The following OPCML variants were observed in gnomAD, a reference collection of about 807,000 sequenced individuals.
The protein encoded by OPCML is opioid binding protein/cell adhesion molecule like.
Under a neutral mutation model 37.8 loss-of-function variants are expected in OPCML, and 13 were observed. That is an observed-to-expected ratio of 0.34 (90% confidence interval 0.22 to 0.55). The LOEUF (loss-of-function observed/expected upper bound fraction) is 0.55. Ranked by LOEUF, OPCML falls within the 20% of genes least tolerant of loss-of-function variation. The pLI is 0.91. For missense variants in OPCML, 341 were observed against 435.6 expected, an observed-to-expected ratio of 0.78 and a Z score of 1.93; for synonymous variants, 176 against 168.8, an observed-to-expected ratio of 1.04 and a Z score of -0.33.
chr11:132,623,221 A>T (rs1334464831), intron 3 of OPCML, among the ~76,000 whole-genome samples: 1 of 152,066 alleles, frequency 6.6e-6, no homozygotes, highest in Non-Finnish European at 1.5e-5. Context: ...GAGCACATAA[A>T]CCCAAGTTTA....
chr11:132,730,235 G>A (rs1223969500), intron 2 of OPCML, among the ~76,000 whole-genome samples: 1 of 151,678 alleles, frequency 6.6e-6, no homozygotes, highest in East Asian at 1.9e-4. Context: ...GGTGTAACAG[G>A]TACCAAATGC....
intron 1 of OPCML, chr11:133,003,661 AAAAC>A: frequency 3.0e-6 from 3 of 985,436 alleles, no homozygotes; most frequent in South Asian, 9.4e-5. Context: ...ACATACTAAA[AAAAC>A]AAACAAAATA....
intron 1 of OPCML, among the ~76,000 whole-genome samples, chr11:133,047,501 T>G (rs997832599): frequency 2.6e-5 from 4 of 152,230 alleles, no homozygotes; most frequent in Admixed American, 2.6e-4. Flanking sequence ...CTTCTTCCAC[T>G]TGTTTCTGTC....
intron 2 of OPCML, among the ~76,000 whole-genome samples, chr11:132,892,659 C>T (rs565068702): frequency 1.7e-4 from 26 of 152,016 alleles, no homozygotes; most frequent in Non-Finnish European, 3.5e-4. Flanking sequence ...CCCAGCTACT[C>T]GGGAGGCTGA....
intron 1 of OPCML, among the ~76,000 whole-genome samples, chr11:133,171,094 T>C (rs1210617956): frequency 1.3e-5 from 2 of 152,194 alleles, no homozygotes; most frequent in Non-Finnish European, 2.9e-5. Flanking sequence ...AAAGGCCAAA[T>C]TGAAGAAGAG....
chr11:133,213,223 GT>G (rs35872459), intron 1 of OPCML, among the ~76,000 whole-genome samples: 49,270 of 126,210 alleles, frequency 0.39, 7,837 homozygotes, highest in Non-Finnish European at 0.46. Flanking sequence ...TTCATAATGA[GT>G]TTTTTTTTTT....
At chr11:132,456,849 C>T (rs1052208942) in intron 4 of OPCML, among the ~76,000 whole-genome samples, 1 of 152,182 alleles carries the variant, frequency 6.6e-6, no homozygotes, top group Non-Finnish European at 1.5e-5. Context: ...TTTACAATTC[C>T]CTGATTAAAC....
At chr11:132,760,509 T>C (rs1018785815) in intron 2 of OPCML, among the ~76,000 whole-genome samples, 9 of 152,120 alleles carry the variant, frequency 5.9e-5, no homozygotes, top group African/African-American at 2.2e-4. Context: ...ATATTTAGGA[T>C]AGTTAGCTCT....
At position 132,452,934 on chromosome 11, in the gene OPCML, C is replaced by A. The variant is rs61908171; in HGVS notation, c.506-15575G>T. Among the ~76,000 whole-genome samples the A allele has an allele frequency of 8.7e-3, 1,319 of 152,284 alleles. 7 individuals carry two copies. Among genetic ancestry groups the A allele is most frequent in the Middle Eastern group, 0.017 (5 of 294 alleles). ...ATTCATATACCACCCCTCCTCCTTT[C>A]CCCTGGACATATCTGACCTTGCTTA... On this transcript the variant is annotated intron_variant, in intron 4 of 7. Transcript: ENST00000524381.
intron 1 of OPCML, among the ~76,000 whole-genome samples, chr11:133,339,650 G>C (rs940423851): frequency 6.6e-6 from 1 of 152,098 alleles, no homozygotes; most frequent in Non-Finnish European, 1.5e-5. Context: ...AGTCCAGCCC[G>C]CTGCTCTGCA....
intron 1 of OPCML, among the ~76,000 whole-genome samples, chr11:133,251,605 A>G (rs184203896): frequency 1.5e-3 from 230 of 151,968 alleles, no homozygotes; most frequent in African/African-American, 5.3e-3. Flanking sequence ...CGGGGTACAG[A>G]CCTGGAAAAG....
At position 132,805,929 on chromosome 11, in the gene OPCML, G is replaced by T. The variant is rs577665367; in HGVS notation, c.146+136997C>A. 5.9e-5 allele frequency among the ~76,000 whole-genome samples: 9 copies of T among 152,068 alleles called. No individual in the cohort carries two copies. In the East Asian group the frequency reaches 1.7e-3, roughly 29 times the overall value. ...GCAAAAATAATAACAGTATAAGATG[G>T]AATTCAAAACATATGAAAATGCAAA... On this transcript the variant is annotated intron_variant, in intron 2 of 7. Coordinates refer to ENST00000524381, the MANE Select transcript of OPCML (RefSeq NM_001012393.5).
chr11:132,637,285 G>A (rs560196489), intron 3 of OPCML, among the ~76,000 whole-genome samples: 3 of 151,796 alleles, frequency 2.0e-5, no homozygotes, highest in Non-Finnish European at 4.4e-5. Context: ...CTGGCAGATC[G>A]GACCTTCTTA....
chr11:132,619,329 C>T (rs1208917026), intron 3 of OPCML, among the ~76,000 whole-genome samples: 1 of 152,208 alleles, frequency 6.6e-6, no homozygotes, highest in Non-Finnish European at 1.5e-5. Context: ...AATAGAATCT[C>T]TCTTCCTATT....
At chr11:133,207,070 G>C (rs1939099856) in intron 1 of OPCML, among the ~76,000 whole-genome samples, 1 of 149,408 alleles carries the variant, frequency 6.7e-6, no homozygotes, top group South Asian at 2.1e-4. Context: ...GGCGGATCTC[G>C]AGGTCAGGAG....
intron 2 of OPCML, among the ~76,000 whole-genome samples, chr11:132,712,451 G>T (rs1440468039): frequency 1.3e-5 from 2 of 152,090 alleles, no homozygotes; most frequent in Admixed American, 6.5e-5. Flanking sequence ...TAAAAGAAAG[G>T]TTTGGTTGCG....
At chr11:132,929,389 A>G (rs1945114749) in intron 2 of OPCML, among the ~76,000 whole-genome samples, 1 of 152,142 alleles carries the variant, frequency 6.6e-6, no homozygotes, top group Non-Finnish European at 1.5e-5. Context: ...TCAAGACTGA[A>G]TCACAAAGAA....
intron 1 of OPCML, among the ~76,000 whole-genome samples, chr11:133,033,968 TC>T (rs1947720006): frequency 6.6e-6 from 1 of 152,210 alleles, no homozygotes; most frequent in Non-Finnish European, 1.5e-5. Context: ...TCCATTTGTC[TC>T]CAAAAACAGT....
In OPCML at chr11:133,114,904, G is replaced by T. The variant is rs998497054; in HGVS notation, c.62-171894C>A. Among the ~76,000 whole-genome samples the T allele has an allele frequency of 5.3e-5, 8 of 152,110 alleles. No homozygotes were observed. In the South Asian group the frequency reaches 1.7e-3, roughly 32 times the overall value. On this transcript the variant is annotated intron_variant, in intron 1 of 7. Transcript: ENST00000524381. ...TTAGATGTTTTGTTGTACATTAAAA[G>T]GTACCCTGTCCCCATTTATGTTTTC...
Sources: gnomAD v4.1 joint callset for allele counts (sites outside exome capture counted in the v4.1 genomes callset) on GRCh38, gnomAD v4.1.1 for gene constraint, MANE v1.5 for transcripts, NCBI Gene and HGNC (gene_info 2026-07-23, HGNC 2026-07-21) for gene names.